Variants in MICU1 observed in about 807,000 individuals in gnomAD.
MICU1 encodes mitochondrial calcium uptake 1.
A neutral mutation model predicts 56.8 loss-of-function variants in MICU1; 45 were observed. The ratio of observed to expected loss-of-function variants is 0.79; its 90% CI spans 0.62 to 1.02. The LOEUF is 1.02. Among genes scored for constraint, MICU1 ranks in the 50% least tolerant of loss-of-function variants. The pLI, the probability that MICU1 is intolerant of heterozygous loss-of-function variation, is 0.00. For synonymous variants in MICU1, 186 were observed against 195.1 expected (o/e 0.95, Z 0.39); for missense variants, 504 against 587.1 (o/e 0.86, Z 1.46).
intron 5 of MICU1, among the ~76,000 whole-genome samples, chr10:72,520,715 G>T (rs1867792218): frequency 6.6e-6 from 1 of 152,046 alleles, no homozygotes; most frequent in South Asian, 2.1e-4. Flanking sequence ...TACAAATGAA[G>T]ATGTTTTTAA....
intron 8 of MICU1, among the ~76,000 whole-genome samples, chr10:72,429,765 G>A (rs529932465): frequency 3.3e-5 from 5 of 152,274 alleles, no homozygotes; most frequent in Admixed American, 2.6e-4. Flanking sequence ...TCTTGAGAAT[G>A]CCATTCATTT....
At chr10:72,442,296 CCAT>C (rs2088234715) in intron 8 of MICU1, among the ~76,000 whole-genome samples, 2 of 152,008 alleles carry the variant, frequency 1.3e-5, no homozygotes, top group African/African-American at 4.8e-5. Context: ...GTGCACACCA[CCAT>C]GCCTGGCTAA....
chr10:72,457,984 C>A (rs1865524439), intron 8 of MICU1, among the ~76,000 whole-genome samples: 1 of 152,010 alleles, frequency 6.6e-6, no homozygotes, highest in South Asian at 2.1e-4. Flanking sequence ...GCCTGGCCAA[C>A]ATGGTAAAAC....
At chr10:72,474,030 G>A (rs1866029209) in intron 8 of MICU1, among the ~76,000 whole-genome samples, 1 of 152,014 alleles carries the variant, frequency 6.6e-6, no homozygotes, top group African/African-American at 2.4e-5. Context: ...GCCGAGGCAG[G>A]AGGATCACAT....
At chr10:72,588,442 C>G (rs113525429) in intron 1 of MICU1, among the ~76,000 whole-genome samples, 5,480 of 152,052 alleles carry the variant, frequency 0.036, 318 homozygotes, top group African/African-American at 0.12. Context: ...TACTTTAGCT[C>G]TAAAGCCAGT....
At chr10:72,471,806 T>G (rs145964162) in intron 8 of MICU1, among the ~76,000 whole-genome samples, 4 of 152,260 alleles carry the variant, frequency 2.6e-5, no homozygotes, top group African/African-American at 9.6e-5. Context: ...ACTTGAACCC[T>G]GGTACATACT....
intron 5 of MICU1, among the ~76,000 whole-genome samples, chr10:72,523,355 T>C (rs1049049613): frequency 6.6e-6 from 1 of 152,190 alleles, no homozygotes; most frequent in African/African-American, 2.4e-5. Flanking sequence ...ATTCCCAGGA[T>C]TAGAAACATT....
chr10:72,485,895 A>G (rs928580549), intron 6 of MICU1, among the ~76,000 whole-genome samples: 3 of 151,526 alleles, frequency 2.0e-5, no homozygotes, highest in African/African-American at 7.3e-5. Context: ...ACACACACAC[A>G]CACGCACACA....
At chr10:72,569,730 C>T (rs932091671) in intron 1 of MICU1, among the ~76,000 whole-genome samples, 1 of 152,086 alleles carries the variant, frequency 6.6e-6, no homozygotes, top group Non-Finnish European at 1.5e-5. Context: ...CGGGCACCTC[C>T]ATCCAGAGAA....
In MICU1 at chr10:72,508,262, G is replaced by A; in HGVS notation, c.545C>T (p.Ser182Phe). Reference sequence around the variant, plus strand: ...ATCAGCAAATTTTTCTCGTTCCTGGGAAATTTTCTATAGAATGTATGGGTC... The same window carrying A: ...ATCAGCAAATTTTTCTCGTTCCTGGAAAATTTTCTATAGAATGTATGGGTC... ...IIKRFDGKKI[S>F]QEREKFADEG... Residue 182 changes from serine (S) to phenylalanine (F), a missense_variant, in exon 6 of 12, where the codon TCC becomes TTC. By Grantham distance (155) the Ser-to-Phe change is radical (BLOSUM62 -2). Transcript: ENST00000361114. 1 of 1,494,400 alleles carries A rather than the reference G, an allele frequency of 6.7e-7. No individual in the cohort carries two copies. Among genetic ancestry groups the A allele is most frequent in the Non-Finnish European group, 9.1e-7 (1 of 1,101,252 alleles). The allele number at this position is 1,494,400 out of a possible 1,614,324, so 92.6% of individuals were successfully genotyped here.
intron 8 of MICU1, among the ~76,000 whole-genome samples, chr10:72,430,107 T>C (rs970339858): frequency 2.1e-5 from 3 of 141,712 alleles, no homozygotes; most frequent in Admixed American, 6.7e-5. Flanking sequence ...TAACCTTACT[T>C]AACTTTTCTT....
Position 72,531,309 on chromosome 10 carries a change from T to C in MICU1, c.537+2437A>G, listed in dbSNP as rs1176388442. 2.6e-5 allele frequency among the ~76,000 whole-genome samples: 4 copies of C among 152,360 alleles called. No individual in the cohort carries two copies. The East Asian group carries it at 5.8e-4, about 22-fold the overall frequency. ...TTCTGGCTATAATGCATAAAATTACTATAATATCATTACACACAAATCTGT... is the reference window on the plus strand; with the variant it reads ...TTCTGGCTATAATGCATAAAATTACCATAATATCATTACACACAAATCTGT... On this transcript the variant is annotated intron_variant, in intron 5 of 11. Coordinates refer to ENST00000361114, the MANE Select transcript of MICU1 (RefSeq NM_001195518.2).
At chr10:72,529,768 T>C (rs1259040415) in intron 5 of MICU1, among the ~76,000 whole-genome samples, 1 of 151,886 alleles carries the variant, frequency 6.6e-6, no homozygotes, top group African/African-American at 2.4e-5. Context: ...TAATGTAAAA[T>C]AAAGCCTCCA....
At chr10:72,429,498 T>A (rs1864458319) in intron 8 of MICU1, among the ~76,000 whole-genome samples, 1 of 152,068 alleles carries the variant, frequency 6.6e-6, no homozygotes, top group Non-Finnish European at 1.5e-5. Flanking sequence ...TAGAATGACT[T>A]TAAGATTAAA....
At chr10:72,392,962 G>GGT in intron 10 of MICU1, among the ~76,000 whole-genome samples, 1 of 152,244 alleles carries the variant, frequency 6.6e-6, no homozygotes, top group African/African-American at 2.4e-5. Flanking sequence ...CACCTCAGCA[G>GGT]GTGAACAGTT....
intron 5 of MICU1, among the ~76,000 whole-genome samples, chr10:72,520,676 T>C (rs1211384340): frequency 1.3e-5 from 2 of 152,172 alleles, no homozygotes; most frequent in Non-Finnish European, 2.9e-5. Flanking sequence ...GGTTTTCTTA[T>C]CTCATTAACT....
chr10:72,619,105 C>G (rs1842043654), intron 1 of MICU1, among the ~76,000 whole-genome samples: 1 of 152,166 alleles, frequency 6.6e-6, no homozygotes, highest in Non-Finnish European at 1.5e-5. Flanking sequence ...AAAGTACAGA[C>G]TTACTTTATT....
chr10:72,483,076 G>A (rs1459519088), intron 6 of MICU1, among the ~76,000 whole-genome samples: 2 of 151,788 alleles, frequency 1.3e-5, no homozygotes, highest in African/African-American at 2.4e-5. Flanking sequence ...GGCTGGTCTC[G>A]AACTCCTGAC....
intron 11 of MICU1, among the ~76,000 whole-genome samples, chr10:72,370,096 C>G (rs1862281951): frequency 6.6e-6 from 1 of 152,136 alleles, no homozygotes; most frequent in South Asian, 2.1e-4. Context: ...CCAGGATGGT[C>G]TCAATCTCCT....
Sources: gnomAD v4.1 joint callset for allele counts (sites outside exome capture counted in the v4.1 genomes callset) on GRCh38, gnomAD v4.1.1 for gene constraint, MANE v1.5 for transcripts, NCBI Gene and HGNC (gene_info 2026-07-23, HGNC 2026-07-21) for gene names.